Variants in ALDH1L2 observed in about 807,000 individuals in gnomAD.
ALDH1L2 encodes mitochondrial 10-formyltetrahydrofolate dehydrogenase.
In ALDH1L2, 91 loss-of-function variants were observed where a neutral mutation model predicts 111.0. The observed-to-expected ratio is 0.82, with a 90% CI of 0.69 to 0.98. The LOEUF is 0.98. Ranked by LOEUF, ALDH1L2 falls within the 50% of genes least tolerant of loss-of-function variation. The pLI is 0.00. For missense variants in ALDH1L2, 995 were observed against 1,126.8 expected (o/e 0.88, Z 1.67); for synonymous variants, 374 against 392.6 (o/e 0.95, Z 0.56).
rs1874238365 is a variant in ALDH1L2 at position 105,023,125 on chromosome 12, T to C, written c.*1299A>G. 1 of 152,224 alleles carries C rather than the reference T, an allele frequency of 6.6e-6. No homozygotes were observed. The highest frequency in any genetic ancestry group is 2.4e-5 in the African/African-American group (1 of 41,456). The allele number at this position is 152,224 out of a possible 1,614,324, so 9.4% of individuals were successfully genotyped here. On this transcript the variant is annotated 3_prime_UTR_variant, in exon 23 of 23. Coordinates refer to ENST00000258494, the MANE Select transcript of ALDH1L2 (RefSeq NM_001034173.4). Reference sequence around the variant, plus strand: ...TCCAAACGCCTTGTTAAGTGCATTATGTATATTATCTCACTGAATCCTTGC... The same window carrying C: ...TCCAAACGCCTTGTTAAGTGCATTACGTATATTATCTCACTGAATCCTTGC...
At chr12:105,039,597 A>G (rs1875395959) in intron 17 of ALDH1L2, 116 bp downstream of exon 17, 1 of 754,748 alleles carries the variant, frequency 1.3e-6, no homozygotes. Flanking sequence ...AGTGATAAGT[A>G]GATTTCCCTT....
At chr12:105,046,211 A>T (rs1875875998) in intron 15 of ALDH1L2, among the ~76,000 whole-genome samples, 2 of 50,860 alleles carry the variant, frequency 3.9e-5, no homozygotes, top group Admixed American at 2.8e-4. Context: ...ATATATATAT[A>T]TATATATATA....
chr12:105,032,382 G>A (rs558313300), intron 19 of ALDH1L2, among the ~76,000 whole-genome samples: 8 of 152,066 alleles, frequency 5.3e-5, no homozygotes, highest in African/African-American at 1.9e-4. Flanking sequence ...GGGATTACAG[G>A]TGTCTGCCAC....
chr12:105,058,249 T>G (rs1876764122), intron 9 of ALDH1L2, 29 bp from the exon 10 acceptor site: 1 of 1,579,346 alleles, frequency 6.3e-7, no homozygotes, highest in Admixed American at 1.9e-5. Flanking sequence ...TTCGCGTTAC[T>G]TAGATTTTTA....
intron 15 of ALDH1L2, 99 bp downstream of exon 15, chr12:105,046,611 A>G (rs2136069777): frequency 3.8e-6 from 4 of 1,039,988 alleles, no homozygotes; most frequent in African/African-American, 1.6e-5. Context: ...ATGCCATACC[A>G]TCTCATTTTT....
rs758020397 is a variant in ALDH1L2 at position 105,061,644 on chromosome 12, CT to C, written c.1029del (p.Val344TrpfsTer13). 6.2e-7 allele frequency: 1 copy of C among 1,614,192 alleles called. No individual in the cohort carries two copies. Among genetic ancestry groups the C allele is most frequent in the Non-Finnish European group, 8.5e-7 (1 of 1,180,026 alleles). The part of the protein sequence containing the change: ...SVVELTAEEV[K>X]VAETIKVIWA... Reference sequence around the variant, plus strand: ...GTGTTCACCTTGATGGTCTCTGCCACTTTCACCTCTTCAGCTGTCAGTTCTA... The same window carrying C: ...GTGTTCACCTTGATGGTCTCTGCCACTTCACCTCTTCAGCTGTCAGTTCTA... On this transcript the variant is annotated frameshift_variant, in exon 8 of 23. Coordinates refer to ENST00000258494, the MANE Select transcript of ALDH1L2 (RefSeq NM_001034173.4). LOFTEE classifies it high-confidence loss of function.
At chr12:105,036,401 A>T (rs1416499145) in intron 18 of ALDH1L2, among the ~76,000 whole-genome samples, 1 of 69,816 alleles carries the variant, frequency 1.4e-5, no homozygotes, top group South Asian at 5.1e-4. Flanking sequence ...GTGTATATAT[A>T]TTATATATAT....
intron 22 of ALDH1L2, among the ~76,000 whole-genome samples, chr12:105,025,498 C>T (rs1874365122): frequency 6.6e-6 from 1 of 152,130 alleles, no homozygotes; most frequent in Non-Finnish European, 1.5e-5. Flanking sequence ...AGAAAGTCTC[C>T]TACAGTGATT....
Position 105,046,657 on chromosome 12 carries a change from G to T in ALDH1L2, c.1863+53C>A. The T allele has an allele frequency of 7.5e-6, 11 of 1,476,380 alleles. No individual in the cohort carries two copies. In the South Asian group the frequency reaches 1.3e-4, roughly 17 times the overall value. 91.5% of individuals were successfully genotyped at this position (1,476,380 alleles called of 1,614,324 possible). ...TATAAATATATTTCACTTTTTTGAA[G>T]TACTGGATATAAGAGAGGAGGCAAT... is the stretch of plus-strand genomic sequence containing the variant. On this transcript the variant is annotated intron_variant, in intron 15 of 22. Transcript: ENST00000258494.
intron 9 of ALDH1L2, among the ~76,000 whole-genome samples, chr12:105,059,282 TAATAATAA>T (rs1876840773): frequency 3.0e-5 from 1 of 33,570 alleles, no homozygotes. Flanking sequence ...ATAATAATAA[TAATAATAA>T]TAATAATAAT....
chr12:105,065,455 G>T, intron 5 of ALDH1L2, 99 bp from the exon 6 acceptor site: 1 of 927,346 alleles, frequency 1.1e-6, no homozygotes, highest in Non-Finnish European at 1.7e-6. Context: ...ACTTGTTATT[G>T]GGAAATAAAG....
At chr12:105,034,500 G>T (rs952095590) in intron 18 of ALDH1L2, 102 bp from the exon 19 acceptor site, 1 of 944,400 alleles carries the variant, frequency 1.1e-6, no homozygotes, top group Non-Finnish European at 1.6e-6. Context: ...AAGACAGCAG[G>T]CAATATAGAT....
chr12:105,052,341 G>C (rs1307810633), intron 11 of ALDH1L2, 124 bp from the exon 12 acceptor site: 11 of 1,018,182 alleles, frequency 1.1e-5, no homozygotes, highest in Non-Finnish European at 1.5e-5. Flanking sequence ...GATAAGAAAT[G>C]AGTATATCTA....
chr12:105,051,791 C>CTTT (rs199608356), intron 12 of ALDH1L2, among the ~76,000 whole-genome samples: 13 of 147,012 alleles, frequency 8.8e-5, no homozygotes, highest in East Asian at 2.0e-4. Flanking sequence ...CTTTTTTTTC[C>CTTT]TTTTTTTTTT....
chr12:105,070,516 G>A (rs1877616882), intron 3 of ALDH1L2, 54 bp downstream of exon 3: 1 of 1,416,222 alleles, frequency 7.1e-7, no homozygotes, highest in Non-Finnish European at 9.6e-7. Context: ...CCCAGACTGG[G>A]CAACATAGCA....
rs531042452 is a variant in ALDH1L2, at chr12:105,029,251, C to G, written c.2516+1073G>C. On this transcript the variant is annotated intron_variant, in intron 21 of 22. Transcript: ENST00000258494. ...CTTTGTTGCCCAGGCTGATCTCAAACTCCTGGCCTCAAGCTGTCCCCCGAC... is the reference window on the plus strand; with the variant it reads ...CTTTGTTGCCCAGGCTGATCTCAAAGTCCTGGCCTCAAGCTGTCCCCCGAC... 2.6e-5 allele frequency among the ~76,000 whole-genome samples: 4 copies of G among 152,284 alleles called. No individual in the cohort carries two copies. In the South Asian group the frequency reaches 8.3e-4, roughly 32 times the overall value.
chr12:105,054,141 T>G (rs1218993954), intron 10 of ALDH1L2, among the ~76,000 whole-genome samples: 4 of 152,118 alleles, frequency 2.6e-5, no homozygotes, highest in Non-Finnish European at 5.9e-5. Flanking sequence ...GTTAAGTAAC[T>G]CGCCCAAGGT....
chr12:105,063,203 A>G (rs7311691), intron 6 of ALDH1L2, among the ~76,000 whole-genome samples, 181 bp from the exon 7 acceptor site: 59,726 of 152,128 alleles, frequency 0.39, 12,959 homozygotes, highest in Middle Eastern at 0.61. Context: ...GTGGCCGGGC[A>G]CAGTGGCTCA....
intron 15 of ALDH1L2, among the ~76,000 whole-genome samples, chr12:105,042,083 A>ACC (rs1210885960): frequency 3.3e-5 from 5 of 151,666 alleles, no homozygotes; most frequent in Non-Finnish European, 5.9e-5. Context: ...TATACACAAC[A>ACC]CACACACACA....
Sources: allele counts gnomAD v4.1 joint callset (sites outside exome capture counted in the v4.1 genomes callset), GRCh38; gene constraint gnomAD v4.1.1; transcripts MANE v1.5; gene names NCBI Gene and HGNC (gene_info 2026-07-23, HGNC 2026-07-21).